Variants in ERP29 observed in about 807,000 individuals in gnomAD.
ERP29 encodes endoplasmic reticulum protein 29, also known as endoplasmic reticulum resident protein 29.
A neutral mutation model predicts 21.7 loss-of-function variants in ERP29; 14 were observed. That is an observed-to-expected ratio of 0.64 (90% confidence interval 0.43 to 1.01). The LOEUF (loss-of-function observed/expected upper bound fraction) is 1.01. Among genes scored for constraint, ERP29 ranks in the 50% least tolerant of loss-of-function variants. The probability of loss-of-function intolerance (pLI) is 0.00; values close to 1 mark genes in which losing one functional copy is unlikely to be tolerated. For missense variants in ERP29, 286 were observed against 327.3 expected (o/e 0.87, Z 0.97); for synonymous variants, 129 against 139.1 (o/e 0.93, Z 0.51).
At chr12:112,017,783 C>CTTTTTTTT (rs1179680378) in intron 1 of ERP29, among the ~76,000 whole-genome samples, 1 of 124,138 alleles carries the variant, frequency 8.1e-6, no homozygotes, top group Non-Finnish European at 1.7e-5. Flanking sequence ...CTTTTTTTTT[C>CTTTTTTTT]TTTTTTTTTT....
chr12:112,020,813 C>T (rs1345163427), intron 2 of ERP29, among the ~76,000 whole-genome samples: 1 of 152,176 alleles, frequency 6.6e-6, no homozygotes, highest in Non-Finnish European at 1.5e-5. Context: ...TGTGTTTCAT[C>T]TTTGCAAGAG....
At chr12:112,021,380 C>G (rs1452234296) in intron 2 of ERP29, among the ~76,000 whole-genome samples, 1 of 152,218 alleles carries the variant, frequency 6.6e-6, no homozygotes, top group Admixed American at 6.5e-5. Context: ...GGAGGCCTGC[C>G]TTGACCACCT....
At chr12:112,015,770 G>GT (rs1313133542) in intron 1 of ERP29, among the ~76,000 whole-genome samples, 3 of 152,286 alleles carry the variant, frequency 2.0e-5, no homozygotes, top group Non-Finnish European at 4.4e-5. Flanking sequence ...TCTCCACACA[G>GT]TAGCCTAAGT....
intron 1 of ERP29, among the ~76,000 whole-genome samples, chr12:112,016,687 G>A (rs1165764968): frequency 4.6e-5 from 7 of 152,196 alleles, no homozygotes; most frequent in African/African-American, 1.4e-4. Context: ...TCAGGAGATC[G>A]AGGTCATCCT....
Position 112,022,452 on chromosome 12 carries a change from A to G in ERP29, c.586A>G (p.Lys196Glu). The G allele has an allele frequency of 6.2e-7, 1 of 1,614,162 alleles. No individual in the cohort carries two copies. The highest frequency in any genetic ancestry group is 8.5e-7 in the Non-Finnish European group (1 of 1,180,008). The change falls in exon 3 of 3, where the codon AAG (lysine) becomes GAG (glutamate). Residue 196 changes from lysine (K) to glutamate (E), a missense_variant. By Grantham distance (56) the Lys-to-Glu change is moderately conservative. Transcript: ENST00000261735. Reference protein sequence around the residue: ...DNLSSVKETQKKWAEQYLKIM... With the variant: ...DNLSSVKETQEKWAEQYLKIM... ...CCTCTCAAGTGTGAAGGAGACTCAG[A>G]AGAAGTGGGCCGAGCAATACCTGAA... is the stretch of plus-strand genomic sequence containing the variant.
At chr12:112,017,036 A>G (rs1791727513) in intron 1 of ERP29, among the ~76,000 whole-genome samples, 1 of 152,082 alleles carries the variant, frequency 6.6e-6, no homozygotes, top group African/African-American at 2.4e-5. Context: ...TTTTAATGTT[A>G]GACCACTGTA....
In ERP29 at chr12:112,013,585, C is replaced by G; in HGVS notation, c.120C>G (p.Pro40=). 1 of 1,604,920 alleles carries G rather than the reference C, an allele frequency of 6.2e-7. No individual in the cohort carries two copies. The highest frequency in any genetic ancestry group is 8.5e-7 in the Non-Finnish European group (1 of 1,176,402). ...GSGLHTKGAL[P]LDTVTFYKVI... The stretch of plus-strand genomic sequence containing the variant: ...GCCTGCACACCAAGGGCGCCCTTCC[C>G]CTGGATACGGTCACTTTCTACAAGG... The change falls in exon 1 of 3, where the codon CCC becomes CCG. Residue 40 remains proline, a synonymous_variant. Transcript: ENST00000261735.
rs528076653 is a variant in ERP29 at position 112,017,556 on chromosome 12, A to G, written c.145-2200A>G. On this transcript the variant is annotated intron_variant, in intron 1 of 2. Coordinates refer to ENST00000261735, the MANE Select transcript of ERP29 (RefSeq NM_006817.4). ...GAATAAGTTTCATGTGCTGAAGTGA[A>G]ATAAGGCCAGTTGGGCCAGAGGGAT... 3.3e-4 allele frequency among the ~76,000 whole-genome samples: 50 copies of G among 152,284 alleles called. 1 individual carries two copies. In the South Asian group the frequency reaches 0.01, roughly 32 times the overall value.
At position 112,022,584 on chromosome 12, in the gene ERP29, G is replaced by A. The variant is rs754580189; in HGVS notation, c.718G>A (p.Glu240Lys). 1.2e-6 allele frequency: 2 copies of A among 1,614,146 alleles called. No homozygotes were observed. Among genetic ancestry groups the A allele is most frequent in the Non-Finnish European group, 1.7e-6 (2 of 1,180,016 alleles). The change falls in exon 3 of 3, where the codon GAG becomes AAG. Residue 240 changes from glutamate to lysine, a missense_variant. Glu to Lys is a moderately conservative substitution (Grantham distance 56). Transcript: ENST00000261735. ...KNKMSDGKKE[E>K]LQKSLNILTA... is the part of the protein sequence containing the mutation. ...CAAGATGAGTGACGGGAAGAAGGAG[G>A]AGCTCCAGAAGAGCTTAAACATCCT...
chr12:112,019,470 C>G (rs2078031533), intron 1 of ERP29: 1 of 437,414 alleles, frequency 2.3e-6, no homozygotes, highest in Non-Finnish European at 4.3e-6. Context: ...GAAAGGAACC[C>G]TGAAGGAGAA....
chr12:112,017,425 A>T (rs755229322), intron 1 of ERP29, among the ~76,000 whole-genome samples: 1 of 152,226 alleles, frequency 6.6e-6, no homozygotes, highest in Non-Finnish European at 1.5e-5. Context: ...CCCCAGTAGC[A>T]GGGGACATTT....
rs574128874 is a variant in ERP29 at position 112,017,211 on chromosome 12, C to G, written c.145-2545C>G. 2.0e-5 allele frequency among the ~76,000 whole-genome samples: 3 copies of G among 152,248 alleles called. No individual in the cohort carries two copies. In the South Asian group the frequency reaches 6.2e-4, roughly 32 times the overall value. ...TATTTTCAGAACATCTGCCACATTC[C>G]AGGCACTGTTGAGCACTAGGGATAC... On this transcript the variant is annotated intron_variant, in intron 1 of 2. Transcript: ENST00000261735.
rs2077980015 is a variant in ERP29 at position 112,014,318 on chromosome 12, A to C, written c.144+709A>C. 2.0e-5 allele frequency among the ~76,000 whole-genome samples: 3 copies of C among 152,098 alleles called. No homozygotes were observed. In the South Asian group the frequency reaches 6.2e-4, roughly 32 times the overall value. ...GGCATTACATTCTCATAGGAGCACG[A>C]CCTTTATTGTGAACTACGCATGTGA... On this transcript the variant is annotated intron_variant, in intron 1 of 2. Coordinates refer to ENST00000261735, the MANE Select transcript of ERP29 (RefSeq NM_006817.4).
At position 112,013,561 on chromosome 12, in the gene ERP29, C is replaced by T; in HGVS notation, c.96C>T (p.Gly32=). Residue 32 remains glycine (G), a synonymous_variant, in exon 1 of 3, where the codon GGC becomes GGT. Transcript: ENST00000261735. ...TCTCCGCTCCGCATGGCGGCAGCGG[C>T]CTGCACACCAAGGGCGCCCTTCCCC... is the stretch of plus-strand genomic sequence containing the variant. ...LLLSAPHGGS[G]LHTKGALPLD... is the part of the protein sequence containing the mutation. 6.2e-7 allele frequency: 1 copy of T among 1,611,908 alleles called. No individual in the cohort carries two copies. The highest frequency in any genetic ancestry group is 8.5e-7 in the Non-Finnish European group (1 of 1,179,142).
In ERP29 at chr12:112,019,900, G is replaced by C; in HGVS notation, c.283+6G>C. On this transcript the variant is annotated splice_donor_region_variant and intron_variant, in intron 2 of 2. Coordinates refer to ENST00000261735, the MANE Select transcript of ERP29 (RefSeq NM_006817.4). ...GGCAGAGGTGGGGATCTCAGGTATG[G>C]ACAAGTCCAGGACGGCTGGGGGGGC... 1.2e-6 allele frequency: 2 copies of C among 1,614,104 alleles called. No homozygotes were observed. The highest frequency in any genetic ancestry group is 1.3e-5 in the African/African-American group (1 of 75,024).
chr12:112,019,918 G>T (rs372271511), intron 2 of ERP29, 24 bp downstream of exon 2: 91 of 1,611,530 alleles, frequency 5.6e-5, no homozygotes, highest in Middle Eastern at 1.6e-4. Flanking sequence ...CAGGACGGCT[G>T]GGGGGGCAGA....
chr12:112,013,959 G>A (rs1456743014), intron 1 of ERP29, among the ~76,000 whole-genome samples: 1 of 152,236 alleles, frequency 6.6e-6, no homozygotes, highest in Non-Finnish European at 1.5e-5. Context: ...AGAACCGGAG[G>A]GCGGTGCGAG....
At position 112,018,374 on chromosome 12, in the gene ERP29, G is replaced by A. The variant is rs957194837; in HGVS notation, c.145-1382G>A. The stretch of plus-strand genomic sequence containing the variant: ...GCTGGTCTTGAACTTCTAGCCTCAC[G>A]TGATCCTCCCACTTCAGCCCCGCAA... On this transcript the variant is annotated intron_variant, in intron 1 of 2. Transcript: ENST00000261735. Among the ~76,000 whole-genome samples, 11 of 151,818 alleles carry A rather than the reference G, an allele frequency of 7.2e-5. No individual in the cohort carries two copies. In the South Asian group the frequency reaches 1.5e-3, roughly 20 times the overall value.
intron 1 of ERP29, among the ~76,000 whole-genome samples, chr12:112,018,344 C>T (rs1351011265): frequency 6.6e-6 from 1 of 151,378 alleles, no homozygotes; most frequent in Admixed American, 6.6e-5. Flanking sequence ...AGCTATGTTG[C>T]CCAGGCTGGT....
Sources: allele counts gnomAD v4.1 joint callset (sites outside exome capture counted in the v4.1 genomes callset), GRCh38; gene constraint gnomAD v4.1.1; transcripts MANE v1.5; gene names NCBI Gene and HGNC (gene_info 2026-07-23, HGNC 2026-07-21).